The following MARVELD2 variants were observed in gnomAD, a reference collection of about 807,000 sequenced individuals.
MARVELD2 encodes MARVEL domain-containing protein 2.
MARVELD2 carries 49 observed loss-of-function variants against 57.6 expected under a neutral mutation model. That is an observed-to-expected ratio of 0.85 (90% CI 0.68 to 1.08). The LOEUF is 1.08. Among genes scored for constraint, MARVELD2 ranks in the 50% least tolerant of loss-of-function variants. MARVELD2 has a pLI of 0.00. For synonymous variants in MARVELD2, 238 were observed against 258.8 expected (o/e 0.92, Z 0.77); for missense variants, 606 against 701.1 (o/e 0.86, Z 1.53).
intron 3 of MARVELD2, among the ~76,000 whole-genome samples, chr5:69,426,811 A>AT (rs1766808423): frequency 6.6e-6 from 1 of 152,150 alleles, no homozygotes; most frequent in Non-Finnish European, 1.5e-5. Context: ...CTGGGACTAC[A>AT]GGCATGCACC....
intron 3 of MARVELD2, among the ~76,000 whole-genome samples, chr5:69,429,856 A>G (rs1398781187): frequency 6.6e-6 from 1 of 150,654 alleles, no homozygotes; most frequent in Non-Finnish European, 1.5e-5. Flanking sequence ...AAAAAAAAAA[A>G]AAAAAAAAAG....
chr5:69,415,354 G>A (rs926821963), intron 1 of MARVELD2, 184 bp downstream of exon 1: 2 of 152,200 alleles, frequency 1.3e-5, no homozygotes, highest in Admixed American at 6.5e-5. Context: ...GCGGACGCAG[G>A]TGCGGCCGAG....
chr5:69,432,752 T>C, intron 4 of MARVELD2, 77 bp downstream of exon 4: 1 of 1,597,696 alleles, frequency 6.3e-7, no homozygotes, highest in Non-Finnish European at 8.6e-7. Context: ...CCAGTTTGTC[T>C]CCAAGTTAAT....
At chr5:69,420,843 G>A (rs1766607649) in intron 2 of MARVELD2, among the ~76,000 whole-genome samples, 2 of 151,990 alleles carry the variant, frequency 1.3e-5, no homozygotes, top group Non-Finnish European at 1.5e-5. Context: ...TACAGCTACC[G>A]AATTTTTGCA....
intron 3 of MARVELD2, among the ~76,000 whole-genome samples, chr5:69,429,052 C>A (rs143001890): frequency 2.3e-4 from 35 of 152,168 alleles, no homozygotes; most frequent in Non-Finnish European, 4.0e-4. Flanking sequence ...CTAAAAATAT[C>A]CTGGCTTAAT....
At chr5:69,424,272 T>C (rs539576700) in intron 2 of MARVELD2, among the ~76,000 whole-genome samples, 1 of 152,294 alleles carries the variant, frequency 6.6e-6, no homozygotes, top group East Asian at 1.9e-4. Context: ...TATAGAGTAA[T>C]TGTCCTAACT....
At chr5:69,435,994 T>C (rs1410195710) in intron 5 of MARVELD2, among the ~76,000 whole-genome samples, 1 of 152,160 alleles carries the variant, frequency 6.6e-6, no homozygotes, top group African/African-American at 2.4e-5. Flanking sequence ...GGAATAATAT[T>C]CTGCTATATG....
At chr5:69,426,345 A>ATTATTATTATTATTC (rs1205290985) in intron 3 of MARVELD2, among the ~76,000 whole-genome samples, 3 of 147,470 alleles carry the variant, frequency 2.0e-5, no homozygotes, top group Non-Finnish European at 4.5e-5. Context: ...TATTATTATT[A>ATTATTATTATTATTC]TTATTTTTAG....
chr5:69,428,997 A>C (rs1009631324), intron 3 of MARVELD2, among the ~76,000 whole-genome samples: 16 of 152,354 alleles, frequency 1.1e-4, no homozygotes, highest in African/African-American at 3.6e-4. Context: ...CATCCTAATC[A>C]GCAAGAAATA....
chr5:69,436,148 G>T (rs976983997), intron 5 of MARVELD2, among the ~76,000 whole-genome samples: 3 of 151,946 alleles, frequency 2.0e-5, no homozygotes, highest in African/African-American at 7.3e-5. Context: ...TTTAAAAGAG[G>T]CTGTATTAAT....
chr5:69,443,613 C>T lies in MARVELD2; in HGVS notation c.*1959C>T, dbSNP rs1311619532. ...AACAAAGTTTTTTTTTAAACAAAAT[C>T]GTTCTTGTTGGATTTTATTCAGCAG... is the stretch of plus-strand genomic sequence containing the variant. On this transcript the variant is annotated 3_prime_UTR_variant, in exon 7 of 7. Transcript: ENST00000325631. 3 of 151,916 alleles carry T rather than the reference C, an allele frequency of 2.0e-5. 1 individual carries two copies. In the East Asian group the frequency reaches 5.8e-4, roughly 29 times the overall value. 9.4% of individuals were successfully genotyped at this position (151,916 alleles called of 1,614,324 possible).
Position 69,420,458 on chromosome 5 carries a change from G to A in MARVELD2, c.1073G>A (p.Ser358Asn). 4 of 1,613,660 alleles carry A rather than the reference G, an allele frequency of 2.5e-6. No homozygotes were observed. Among genetic ancestry groups the A allele is most frequent in the Non-Finnish European group, 3.4e-6 (4 of 1,180,032 alleles). Residue 358 changes from serine to asparagine, a missense_variant, in exon 2 of 7, where the codon AGT (serine) becomes AAT (asparagine). Ser to Asn is a conservative substitution (Grantham distance 46). Transcript: ENST00000325631. ...GTCACCATGATAGTTTATCTCATTA[G>A]TGCTTTGGTTTGCCTAAAGTTATGG... ...LFVTMIVYLISALVCLKLWRH... is the reference protein window; with the variant it reads ...LFVTMIVYLINALVCLKLWRH...
At chr5:69,428,924 G>A (rs1766876043) in intron 3 of MARVELD2, among the ~76,000 whole-genome samples, 1 of 152,168 alleles carries the variant, frequency 6.6e-6, no homozygotes, top group Non-Finnish European at 1.5e-5. Context: ...TCCCCCTAAT[G>A]TTTAATACCA....
At chr5:69,431,788 T>A in intron 3 of MARVELD2, among the ~76,000 whole-genome samples, 1 of 151,918 alleles carries the variant, frequency 6.6e-6, no homozygotes, top group Admixed American at 6.6e-5. Context: ...TTATTTCCAC[T>A]TTTCTTCCTC....
intron 5 of MARVELD2, among the ~76,000 whole-genome samples, chr5:69,438,609 G>C (rs887454241): frequency 2.6e-5 from 4 of 151,988 alleles, no homozygotes; most frequent in African/African-American, 9.7e-5. Context: ...GTTAGCGGCC[G>C]GTCATGGTGG....
Position 69,418,223 on chromosome 5 carries a change from AGT to A in MARVELD2, c.-15-1147_-15-1146del, listed in dbSNP as rs138984252. Among the ~76,000 whole-genome samples the A allele has an allele frequency of 6.2e-3, 949 of 152,350 alleles. 7 individuals are homozygous for A. The highest frequency in any genetic ancestry group is 0.022 in the African/African-American group (898 of 41,580). On this transcript the variant is annotated intron_variant, in intron 1 of 6. Transcript: ENST00000325631. ...TGCCCAGTTTAAGTCTTCAATAATG[AGT>A]CTTGGCAGGGTGTGAATGAAAAAAT...
In MARVELD2 at chr5:69,439,715, CT is replaced by C. The variant is rs1326401387; in HGVS notation, c.1504-734del. ...GTTGCAGTGAGCTGAGATCACGCCACTGTACTCCAGCCTGGGCGACAGAGGG... is the reference window on the plus strand; with the variant it reads ...GTTGCAGTGAGCTGAGATCACGCCACGTACTCCAGCCTGGGCGACAGAGGG... On this transcript the variant is annotated intron_variant, in intron 5 of 6. Transcript: ENST00000325631. Among the ~76,000 whole-genome samples, 5 of 151,836 alleles carry C rather than the reference CT, an allele frequency of 3.3e-5. No individual in the cohort carries two copies. In the East Asian group the frequency reaches 9.7e-4, roughly 30 times the overall value.
In MARVELD2 at chr5:69,444,135, T is replaced by G. The variant is rs1211435165; in HGVS notation, c.*2481T>G. On this transcript the variant is annotated 3_prime_UTR_variant, in exon 7 of 7. Transcript: ENST00000325631. ...TAAAGTTTATAAATGTAGCTAATCTTTGAAAAACCAATGCAGTAACACTGA... is the reference window on the plus strand; with the variant it reads ...TAAAGTTTATAAATGTAGCTAATCTGTGAAAAACCAATGCAGTAACACTGA... The G allele has an allele frequency of 6.6e-6, 1 of 152,048 alleles. No individual in the cohort carries two copies. Among genetic ancestry groups the G allele is most frequent in the East Asian group, 1.9e-4 (1 of 5,204 alleles). 9.4% of individuals were successfully genotyped at this position (152,048 alleles called of 1,614,324 possible).
chr5:69,435,752 CA>C (rs35281029), intron 5 of MARVELD2, among the ~76,000 whole-genome samples: 14,110 of 64,486 alleles, frequency 0.22, 452 homozygotes, highest in African/African-American at 0.34. Context: ...GACCCTGTCT[CA>C]AAAAAAAAAA....
Sources: allele counts gnomAD v4.1 joint callset (sites outside exome capture counted in the v4.1 genomes callset), GRCh38; gene constraint gnomAD v4.1.1; transcripts MANE v1.5; gene names NCBI Gene and HGNC (gene_info 2026-07-23, HGNC 2026-07-21).